Variants in WWOX observed in about 807,000 individuals in gnomAD.
The protein encoded by WWOX is WW domain-containing oxidoreductase.
In WWOX, 69 loss-of-function variants were observed where a neutral mutation model predicts 46.2. That is an observed-to-expected ratio of 1.49 (90% CI 1.23 to 1.82). The LOEUF (loss-of-function observed/expected upper bound fraction) is 1.82. Ranked by LOEUF, WWOX falls within the 40% of genes most tolerant of loss-of-function variation. The probability of loss-of-function intolerance (pLI) is 0.00; values close to 1 mark genes in which losing one functional copy is unlikely to be tolerated. For synonymous variants in WWOX, 359 were observed against 202.6 expected (o/e 1.77, Z -6.56); for missense variants, 919 against 542.6 (o/e 1.69, Z -6.89).
intron 8 of WWOX, among the ~76,000 whole-genome samples, chr16:79,022,407 C>G (rs957645449): frequency 1.4e-5 from 2 of 142,944 alleles, no homozygotes; most frequent in Admixed American, 7.2e-5. Flanking sequence ...TCTGTTATTT[C>G]TTGGACATGC....
intron 8 of WWOX, among the ~76,000 whole-genome samples, chr16:78,822,794 A>C (rs747802133): frequency 6.6e-6 from 1 of 152,212 alleles, no homozygotes; most frequent in Non-Finnish European, 1.5e-5. Flanking sequence ...AAGGAAGTCT[A>C]CTTTCTCTTC....
At chr16:78,197,907 A>G (rs2036106075) in intron 5 of WWOX, among the ~76,000 whole-genome samples, 2 of 152,058 alleles carry the variant, frequency 1.3e-5, no homozygotes, top group African/African-American at 4.8e-5. Flanking sequence ...ACTAGGTCAC[A>G]TACTCCTCCT....
intron 8 of WWOX, among the ~76,000 whole-genome samples, chr16:79,109,456 G>C (rs1222572599): frequency 1.3e-5 from 2 of 152,172 alleles, no homozygotes; most frequent in Admixed American, 6.5e-5. Context: ...AGGGAAGAGA[G>C]AGCCGGGCAG....
intron 5 of WWOX, among the ~76,000 whole-genome samples, chr16:78,169,296 T>C (rs1415538506): frequency 1.3e-5 from 2 of 152,176 alleles, no homozygotes; most frequent in African/African-American, 2.4e-5. Context: ...GCAGTGTCTA[T>C]GTGTTAGGAA....
chr16:78,275,309 C>G (rs931662358), intron 5 of WWOX, among the ~76,000 whole-genome samples: 1 of 152,170 alleles, frequency 6.6e-6, no homozygotes, highest in East Asian at 1.9e-4. Flanking sequence ...CCACATTTCC[C>G]GGGCGCAGCC....
intron 4 of WWOX, among the ~76,000 whole-genome samples, chr16:78,150,271 C>T (rs149752176): frequency 1.4e-4 from 21 of 152,314 alleles, no homozygotes; most frequent in African/African-American, 4.8e-4. Flanking sequence ...GCCAGGCATG[C>T]GGAGGGGATG....
chr16:78,101,283 G>A (rs539409676), intron 1 of WWOX, among the ~76,000 whole-genome samples: 1 of 146,390 alleles, frequency 6.8e-6, no homozygotes, highest in Non-Finnish European at 1.5e-5. Context: ...TCCTGACCTC[G>A]TGATCCTCCC....
At chr16:78,413,650 T>C (rs1483340395) in intron 6 of WWOX, among the ~76,000 whole-genome samples, 1 of 151,576 alleles carries the variant, frequency 6.6e-6, no homozygotes, top group African/African-American at 2.4e-5. Flanking sequence ...TCTGGATGCA[T>C]ACGAGCAGGT....
intron 8 of WWOX, among the ~76,000 whole-genome samples, chr16:78,956,109 A>G (rs753384064): frequency 6.6e-6 from 1 of 152,022 alleles, no homozygotes; most frequent in East Asian, 1.9e-4. Context: ...CTCACTATCT[A>G]CATCCCCACT....
Position 78,688,631 on chromosome 16 carries a change from C to T in WWOX, c.1056+255879C>T, listed in dbSNP as rs186333872. ...GCTTCTCTACCGGGGCAAATTTTCC[C>T]CCAAGGGATAATTGATAATGTCTGA... On this transcript the variant is annotated intron_variant, in intron 8 of 8. Transcript: ENST00000566780. Among the ~76,000 whole-genome samples the T allele has an allele frequency of 4.3e-4, 65 of 152,232 alleles. No individual in the cohort carries two copies. The East Asian group carries it at 7.0e-3, about 16-fold the overall frequency.
intron 5 of WWOX, among the ~76,000 whole-genome samples, chr16:78,366,955 A>T (rs2081547895): frequency 7.6e-6 from 1 of 131,130 alleles, no homozygotes; most frequent in Admixed American, 7.7e-5. Flanking sequence ...TTTTTTTTGT[A>T]TCACAAAAGT....
At chr16:78,742,953 A>G (rs2049266243) in intron 8 of WWOX, among the ~76,000 whole-genome samples, 2 of 152,126 alleles carry the variant, frequency 1.3e-5, no homozygotes, top group Admixed American at 1.3e-4. Context: ...CTTGTGGAAG[A>G]GTAAGAGGGG....
intron 8 of WWOX, among the ~76,000 whole-genome samples, chr16:79,088,104 C>T (rs960861981): frequency 6.6e-6 from 1 of 152,160 alleles, no homozygotes. Flanking sequence ...GTACTCTTGA[C>T]TCTCTCAGGC....
chr16:78,734,986 C>A (rs1270966331), intron 8 of WWOX, among the ~76,000 whole-genome samples: 2 of 150,018 alleles, frequency 1.3e-5, no homozygotes, highest in Admixed American at 1.3e-4. Context: ...CTGCCTCAGC[C>A]TTCCCGAGTA....
intron 8 of WWOX, among the ~76,000 whole-genome samples, chr16:79,006,731 C>T (rs919830208): frequency 2.0e-5 from 3 of 152,010 alleles, no homozygotes; most frequent in African/African-American, 7.3e-5. Context: ...CAGCTTGTAC[C>T]CTTGCGTCTT....
intron 8 of WWOX, among the ~76,000 whole-genome samples, chr16:79,079,549 C>A (rs2048722583): frequency 6.6e-6 from 1 of 152,198 alleles, no homozygotes; most frequent in African/African-American, 2.4e-5. Flanking sequence ...TGCACTTCCC[C>A]TAGTCACCTG....
intron 4 of WWOX, among the ~76,000 whole-genome samples, chr16:78,128,829 C>A (rs2033468676): frequency 6.6e-6 from 1 of 152,194 alleles, no homozygotes; most frequent in South Asian, 2.1e-4. Context: ...TGTGATACAG[C>A]AAGGCAGCTG....
Position 79,125,115 on chromosome 16 carries a change from C to T in WWOX, c.1057-86493C>T, listed in dbSNP as rs1313500006. Among the ~76,000 whole-genome samples the T allele has an allele frequency of 3.3e-5, 5 of 151,704 alleles. No individual in the cohort carries two copies. In the East Asian group the frequency reaches 7.7e-4, roughly 23 times the overall value. The stretch of plus-strand genomic sequence containing the variant: ...CAGATCCTGCTAGAGACTGCCCATC[C>T]CTCTATCCATTTCTCAGTTTGAAAA... On this transcript the variant is annotated intron_variant, in intron 8 of 8. Transcript: ENST00000566780.
intron 8 of WWOX, among the ~76,000 whole-genome samples, chr16:79,122,383 C>A (rs1351123582): frequency 3.3e-5 from 5 of 152,172 alleles, no homozygotes; most frequent in African/African-American, 9.7e-5. Context: ...CGCACAAAAT[C>A]CTCCAATATT....
Sources: gnomAD v4.1 joint callset for allele counts (sites outside exome capture counted in the v4.1 genomes callset) on GRCh38, gnomAD v4.1.1 for gene constraint, MANE v1.5 for transcripts, NCBI Gene and HGNC (gene_info 2026-07-23, HGNC 2026-07-21) for gene names.